STX12: variants seen among roughly 807,000 people sequenced by gnomAD.
The protein encoded by STX12 is syntaxin 12, also known as syntaxin-12.
In STX12, 17 loss-of-function variants were observed where a neutral mutation model predicts 42.2. The observed-to-expected ratio is 0.40, with a 90% CI of 0.28 to 0.60. STX12 has a LOEUF of 0.60. Ranked by LOEUF, STX12 falls within the 20% of genes least tolerant of loss-of-function variation. The pLI is 0.39. For synonymous variants in STX12, 108 were observed against 116.7 expected, an observed-to-expected ratio of 0.93 and a Z score of 0.48; for missense variants, 297 against 330.9, an observed-to-expected ratio of 0.90 and a Z score of 0.79.
intron 1 of STX12, among the ~76,000 whole-genome samples, chr1:27,782,814 CAA>C (rs2088677705): frequency 6.6e-6 from 1 of 152,030 alleles, no homozygotes; most frequent in Admixed American, 6.6e-5. Context: ...CCAACCTGGG[CAA>C]AGAGAGCAAA....
At chr1:27,816,287 C>G (rs530692418) in intron 6 of STX12, among the ~76,000 whole-genome samples, 1 of 151,892 alleles carries the variant, frequency 6.6e-6, no homozygotes, top group African/African-American at 2.4e-5. Context: ...GCACTCCAGC[C>G]TAGCAACAAG....
intron 1 of STX12, among the ~76,000 whole-genome samples, chr1:27,776,825 CTG>C (rs2088631263): frequency 6.6e-6 from 1 of 152,208 alleles, no homozygotes; most frequent in Non-Finnish European, 1.5e-5. Context: ...AGAGGACACT[CTG>C]TGGGGGAAAT....
chr1:27,805,744 T>G (rs2088858965), intron 4 of STX12, among the ~76,000 whole-genome samples: 1 of 152,236 alleles, frequency 6.6e-6, no homozygotes, highest in Non-Finnish European at 1.5e-5. Context: ...TATCTGCTTC[T>G]GTATTCAGTC....
At chr1:27,776,839 C>T (rs1277911807) in intron 1 of STX12, among the ~76,000 whole-genome samples, 1 of 152,176 alleles carries the variant, frequency 6.6e-6, no homozygotes, top group Non-Finnish European at 1.5e-5. Context: ...GGGGGAAATA[C>T]CTGAAGCCGT....
intron 3 of STX12, among the ~76,000 whole-genome samples, chr1:27,794,629 T>TA (rs966626590): frequency 5.3e-5 from 8 of 152,092 alleles, no homozygotes; most frequent in African/African-American, 1.2e-4. Flanking sequence ...AGGTCTCCAG[T>TA]AAAAAAAACT....
In STX12 at chr1:27,817,848, T is replaced by A. The variant is rs1322925386; in HGVS notation, c.577-3T>A. 12 of 1,613,554 alleles carry A rather than the reference T, an allele frequency of 7.4e-6. No homozygotes were observed. The highest frequency in any genetic ancestry group is 1.0e-5 in the Non-Finnish European group (12 of 1,179,766). ...TTAGTTAATTGTTTTTTGTCTTCCT[T>A]AGGCTGACATTTTGGATGTCAATCA... is the stretch of plus-strand genomic sequence containing the variant. On this transcript the variant is annotated splice_polypyrimidine_tract_variant and splice_region_variant and intron_variant, in intron 6 of 8. Transcript: ENST00000373943.
chr1:27,802,546 C>T (rs1411130845), intron 4 of STX12, among the ~76,000 whole-genome samples: 1 of 152,202 alleles, frequency 6.6e-6, no homozygotes, highest in Non-Finnish European at 1.5e-5. Context: ...AAGGTTACCA[C>T]AAAGTAACCT....
intron 1 of STX12, among the ~76,000 whole-genome samples, chr1:27,779,246 G>T (rs2088648349): frequency 6.6e-6 from 1 of 152,072 alleles, no homozygotes; most frequent in East Asian, 1.9e-4. Context: ...TATGTCTAAA[G>T]TCCTGTTTTT....
chr1:27,821,247 C>T (rs868125856), intron 8 of STX12, among the ~76,000 whole-genome samples: 4 of 151,038 alleles, frequency 2.6e-5, no homozygotes, highest in Non-Finnish European at 4.4e-5. Context: ...TGGGAGTGCT[C>T]GTAAAGAAAT....
At chr1:27,784,754 T>C (rs1169167799) in intron 1 of STX12, among the ~76,000 whole-genome samples, 1 of 152,202 alleles carries the variant, frequency 6.6e-6, no homozygotes, top group African/African-American at 2.4e-5. Context: ...GTTGTCCTTA[T>C]GATTTGAGTT....
At chr1:27,821,891 G>A (rs1353237009) in intron 8 of STX12, among the ~76,000 whole-genome samples, 7 of 152,104 alleles carry the variant, frequency 4.6e-5, no homozygotes, top group African/African-American at 2.4e-5. Context: ...AGTGGCACAC[G>A]CCTGTAATTC....
intron 3 of STX12, among the ~76,000 whole-genome samples, chr1:27,795,195 A>G (rs771610858): frequency 6.6e-6 from 1 of 151,770 alleles, no homozygotes; most frequent in Non-Finnish European, 1.5e-5. Context: ...TAAAAAACTT[A>G]GAGTAGAAGT....
chr1:27,811,455 A>G (rs2088903379), intron 5 of STX12, among the ~76,000 whole-genome samples: 1 of 152,052 alleles, frequency 6.6e-6, no homozygotes. Flanking sequence ...AGAATTTTTT[A>G]AAAAGTGTTA....
At chr1:27,800,857 AG>A (rs1277178735) in intron 3 of STX12, among the ~76,000 whole-genome samples, 1 of 152,180 alleles carries the variant, frequency 6.6e-6, no homozygotes, top group African/African-American at 2.4e-5. Flanking sequence ...TAACAAGCTT[AG>A]TAGAGGTAGT....
rs2088992341 is a variant in STX12, at chr1:27,822,593, A to G, written c.*264A>G. On this transcript the variant is annotated 3_prime_UTR_variant, in exon 9 of 9. Transcript: ENST00000373943. ...TTGTATTCTGATTGCCCTTCATCCC[A>G]AGTGTTTACTGAAAATTCCATTCTA... 6.3e-6 allele frequency: 2 copies of G among 316,020 alleles called. No individual in the cohort carries two copies. The highest frequency in any genetic ancestry group is 1.2e-4 in the South Asian group (2 of 16,106). 19.6% of individuals were successfully genotyped at this position (316,020 alleles called of 1,614,324 possible).
At chr1:27,796,642 T>C (rs1484687493) in intron 3 of STX12, among the ~76,000 whole-genome samples, 8 of 151,916 alleles carry the variant, frequency 5.3e-5, no homozygotes, top group East Asian at 1.9e-4. Flanking sequence ...TCCTCTCTCC[T>C]CAGCCTCCCA....
At position 27,819,655 on chromosome 1, in the gene STX12, A is replaced by G. The variant is rs762212047; in HGVS notation, c.655A>G (p.Ile219Val). ...CTCTGTCCTTCCTTTTGCAGATAGC[A>G]TAGAAGCCAATGTGGAAAGCTCAGA... ...IHDQGDLIDS[I>V]EANVESSEVH... The change falls in exon 8 of 9, where the codon ATA becomes GTA. Residue 219 changes from isoleucine (I) to valine (V), a missense_variant. Transcript: ENST00000373943. 14 of 1,613,824 alleles carry G rather than the reference A, an allele frequency of 8.7e-6. No individual in the cohort carries two copies. Among genetic ancestry groups the G allele is most frequent in the Non-Finnish European group, 1.1e-5 (13 of 1,179,778 alleles).
At position 27,781,040 on chromosome 1, in the gene STX12, T is replaced by C. The variant is rs533613598; in HGVS notation, c.118+7615T>C. The stretch of plus-strand genomic sequence containing the variant: ...AGCAGGCGTTCAATAAATGGTGACA[T>C]TATTATTATTTTTATTATTTTGAGA... On this transcript the variant is annotated intron_variant, in intron 1 of 8. Coordinates refer to ENST00000373943, the MANE Select transcript of STX12 (RefSeq NM_177424.3). Among the ~76,000 whole-genome samples the C allele has an allele frequency of 3.9e-5, 6 of 152,070 alleles. No individual in the cohort carries two copies. The East Asian group carries it at 1.2e-3, about 29-fold the overall frequency.
chr1:27,809,968 G>A (rs1031364905), intron 4 of STX12: 1 of 267,026 alleles, frequency 3.7e-6, no homozygotes, highest in Non-Finnish European at 7.0e-6. Flanking sequence ...ATATTTTATT[G>A]TTGTTATTTT....
Sources: allele counts gnomAD v4.1 joint callset (sites outside exome capture counted in the v4.1 genomes callset), GRCh38; gene constraint gnomAD v4.1.1; transcripts MANE v1.5; gene names NCBI Gene and HGNC (gene_info 2026-07-23, HGNC 2026-07-21).